The following GLRX2 variants were observed in gnomAD, a reference collection of about 807,000 sequenced individuals.
GLRX2 encodes the protein bA101E13.1 (GRX2 glutaredoxin (thioltransferase) 2).
Under a neutral mutation model 16.4 loss-of-function variants are expected in GLRX2, and 12 were observed. The ratio of observed to expected loss-of-function variants is 0.73; its 90% CI spans 0.47 to 1.19. GLRX2 has a LOEUF of 1.19. GLRX2 is among the 50% of genes most tolerant of loss of function. The probability of loss-of-function intolerance (pLI) is 0.00; values close to 1 mark genes in which losing one functional copy is unlikely to be tolerated. For missense variants in GLRX2, 201 were observed against 201.8 expected, an observed-to-expected ratio of 1.00 and a Z score of 0.02; for synonymous variants, 95 against 76.2, an observed-to-expected ratio of 1.25 and a Z score of -1.28.
Position 193,096,653 on chromosome 1 carries a change from T to C in GLRX2, c.467A>G (p.Lys156Arg). The C allele has an allele frequency of 6.3e-7, 1 of 1,595,576 alleles. No homozygotes were observed. The highest frequency in any genetic ancestry group is 1.7e-5 in the Admixed American group (1 of 59,438). ...CTGAAATTCTTTCCTCTTACTTTTT[T>C]TTAAATAACACTGATGAACTAGTGG... ...LLPLVHQCYL[K>R]KSKRKEFQ Residue 156 changes from lysine to arginine, a missense_variant, in exon 4 of 4, where the codon AAA (lysine) becomes AGA (arginine). Transcript: ENST00000367439.
intron 2 of GLRX2, among the ~76,000 whole-genome samples, chr1:193,098,167 G>T (rs920523097): frequency 2.6e-5 from 4 of 152,148 alleles, no homozygotes; most frequent in Admixed American, 2.6e-4. Context: ...TTTGTTCATG[G>T]TTCTCAGCTA....
chr1:193,101,792 C>T (rs962924001), intron 1 of GLRX2, among the ~76,000 whole-genome samples: 7 of 152,140 alleles, frequency 4.6e-5, no homozygotes, highest in Non-Finnish European at 1.0e-4. Context: ...TAATGTTTAA[C>T]ATTACTACTA....
At position 193,097,692 on chromosome 1, in the gene GLRX2, T is replaced by C; in HGVS notation, c.252A>G (p.Lys84=). 2 of 1,613,280 alleles carry C rather than the reference T, an allele frequency of 1.2e-6. No individual in the cohort carries two copies. The highest frequency in any genetic ancestry group is 1.7e-6 in the Non-Finnish European group (2 of 1,179,494). Residue 84 remains lysine (K), a synonymous_variant, in exon 3 of 4, where the codon AAA becomes AAG. Coordinates refer to ENST00000367439, the MANE Select transcript of GLRX2 (RefSeq NM_197962.3). ...TAACATTCATGTCATGGAAAAGCTT[T>C]TTTGCCATTGTACAGTAAGAACAGG... ...KTSCSYCTMA[K]KLFHDMNVNY... is the part of the protein sequence containing the mutation.
Position 193,097,775 on chromosome 1 carries a change from C to CA in GLRX2, c.184-16dup, listed in dbSNP as rs1558266123. 1.6e-5 allele frequency: 24 copies of CA among 1,535,834 alleles called. No individual in the cohort carries two copies. Among genetic ancestry groups the CA allele is most frequent in the African/African-American group, 9.7e-5 (7 of 71,990 alleles). On this transcript the variant is annotated splice_polypyrimidine_tract_variant and intron_variant, in intron 2 of 3. Coordinates refer to ENST00000367439, the MANE Select transcript of GLRX2 (RefSeq NM_197962.3). ...GAAATTGTTTCCTGAAATAAAACCA[C>CA]AAAAAATCATTTTAATTCTAGACAT...
rs1232981905 is a variant in GLRX2, at chr1:193,105,300, G to C, written c.83C>G (p.Ala28Gly). ...SGSAGWLDRA[A>G]GAAGAAAAAA... Reference sequence around the variant, plus strand: ...AGCTGCCGCAGCTCCCGCAGCTCCCGCCGCCCTGTCAAGCCAGCCTGCCGA... The same window carrying C: ...AGCTGCCGCAGCTCCCGCAGCTCCCCCCGCCCTGTCAAGCCAGCCTGCCGA... Residue 28 changes from alanine (A) to glycine (G), a missense_variant, in exon 1 of 4, where the codon GCG (alanine) becomes GGG (glycine). Physicochemically the swap from Ala to Gly is moderately conservative, Grantham distance 60. Coordinates refer to ENST00000367439, the MANE Select transcript of GLRX2 (RefSeq NM_197962.3). 19 of 1,530,950 alleles carry C rather than the reference G, an allele frequency of 1.2e-5. No homozygotes were observed. The highest frequency in any genetic ancestry group is 1.7e-5 in the Non-Finnish European group (19 of 1,148,058). The allele number at this position is 1,530,950 out of a possible 1,614,324, so 94.8% of individuals were successfully genotyped here. A position where few individuals can be genotyped will look rare whatever the true frequency, so the allele number is the denominator to read the frequency against.
In GLRX2 at chr1:193,101,305, A is replaced by G. The variant is rs1031766234; in HGVS notation, c.120-101T>C. The G allele has an allele frequency of 6.5e-6, 5 of 766,222 alleles. No individual in the cohort carries two copies. The South Asian group carries it at 8.1e-5, about 12-fold the overall frequency. 47.5% of individuals were successfully genotyped at this position (766,222 alleles called of 1,614,324 possible). A position where few individuals can be genotyped will look rare whatever the true frequency, so the allele number is the denominator to read the frequency against. On this transcript the variant is annotated intron_variant, in intron 1 of 3. Transcript: ENST00000367439. ...ATCAATCTCATAAACAAATATAGCCAAACTTACAAAATAGAAAAAAATTTT... is the reference window on the plus strand; with the variant it reads ...ATCAATCTCATAAACAAATATAGCCGAACTTACAAAATAGAAAAAAATTTT...
At position 193,097,571 on chromosome 1, in the gene GLRX2, A is replaced by AG; in HGVS notation, c.360+12dup. 6.3e-7 allele frequency: 1 copy of AG among 1,588,818 alleles called. No homozygotes were observed. The highest frequency in any genetic ancestry group is 1.2e-5 in the South Asian group (1 of 86,714). On this transcript the variant is annotated intron_variant, in intron 3 of 3. Transcript: ENST00000367439. ...CTATTAAAGAGGAACAGCACCACAG[A>AG]GGATATACTCACAGTTCTTTCACCA...
intron 1 of GLRX2, among the ~76,000 whole-genome samples, chr1:193,103,183 A>G (rs956471528): frequency 6.6e-6 from 1 of 152,190 alleles, no homozygotes; most frequent in Non-Finnish European, 1.5e-5. Context: ...TAGGAAAAAA[A>G]AAATCACACG....
chr1:193,098,700 T>C (rs749720969), intron 2 of GLRX2, among the ~76,000 whole-genome samples: 32 of 152,104 alleles, frequency 2.1e-4, no homozygotes, highest in Admixed American at 7.8e-4. Context: ...TATAGGCACC[T>C]GCCACCACGG....
chr1:193,097,066 T>C (rs1444135008), intron 3 of GLRX2, among the ~76,000 whole-genome samples: 1 of 152,210 alleles, frequency 6.6e-6, no homozygotes, highest in Non-Finnish European at 1.5e-5. Flanking sequence ...TTAAATAAAC[T>C]AAAGCAGATA....
At chr1:193,105,032 G>T (rs971931127) in intron 1 of GLRX2, among the ~76,000 whole-genome samples, 2 of 152,200 alleles carry the variant, frequency 1.3e-5, no homozygotes, top group African/African-American at 4.8e-5. Flanking sequence ...GAACATGAGT[G>T]AAGTATTTTC....
chr1:193,097,909 G>A, intron 2 of GLRX2, 149 bp from the exon 3 acceptor site: 1 of 516,604 alleles, frequency 1.9e-6, no homozygotes, highest in Non-Finnish European at 3.3e-6. Context: ...TGCAGATTGA[G>A]GATATTTTTC....
intron 2 of GLRX2, among the ~76,000 whole-genome samples, chr1:193,099,584 G>A (rs577761756): frequency 6.6e-6 from 1 of 152,132 alleles, no homozygotes; most frequent in Admixed American, 6.5e-5. Context: ...TACCTGCCTC[G>A]GCCTTCCAAA....
intron 2 of GLRX2, among the ~76,000 whole-genome samples, chr1:193,098,151 C>A (rs546490256): frequency 3.2e-4 from 48 of 152,156 alleles, no homozygotes; most frequent in Non-Finnish European, 5.9e-4. Flanking sequence ...AGAGGAAGAT[C>A]AACAATTTGT....
chr1:193,102,120 G>A (rs1198213710), intron 1 of GLRX2, among the ~76,000 whole-genome samples: 7 of 152,066 alleles, frequency 4.6e-5, no homozygotes, highest in Admixed American at 3.3e-4. Flanking sequence ...AGAATTACTC[G>A]AATATCTAAA....
rs767350322 is a variant in GLRX2, at chr1:193,105,337, T to C, written c.46A>G (p.Ser16Gly). 2 of 1,547,444 alleles carry C rather than the reference T, an allele frequency of 1.3e-6. No homozygotes were observed. Among genetic ancestry groups the C allele is most frequent in the Non-Finnish European group, 1.7e-6 (2 of 1,156,968 alleles). ...AALAGTRLVW[S>G]RSGSAGWLDR... Reference sequence around the variant, plus strand: ...AGCCAGCCTGCCGAGCCGCTCCTGCTCCAAACCAGCCGCGTCCCCGCCAGC... The same window carrying C: ...AGCCAGCCTGCCGAGCCGCTCCTGCCCCAAACCAGCCGCGTCCCCGCCAGC... The change falls in exon 1 of 4, where the codon AGC (serine) becomes GGC (glycine). Residue 16 changes from serine to glycine, a missense_variant. Coordinates refer to ENST00000367439, the MANE Select transcript of GLRX2 (RefSeq NM_197962.3).
Position 193,097,719 on chromosome 1 carries a change from T to G in GLRX2, c.225A>C (p.Thr75=), listed in dbSNP as rs758854393. ...SDNCVVIFSK[T]SCSYCTMAKK... Reference sequence around the variant, plus strand: ...TTGCCATTGTACAGTAAGAACAGGATGTTTTTGAGAAAATCACCACACAAT... The same window carrying G: ...TTGCCATTGTACAGTAAGAACAGGAGGTTTTTGAGAAAATCACCACACAAT... The change falls in exon 3 of 4, where the codon ACA becomes ACC. Residue 75 remains threonine (T), a synonymous_variant. Transcript: ENST00000367439. The G allele has an allele frequency of 1.6e-5, 26 of 1,598,704 alleles. No homozygotes were observed. In the South Asian group the frequency reaches 2.6e-4, roughly 16 times the overall value.
At chr1:193,101,045 T>TC (rs1675064292) in intron 2 of GLRX2, 96 bp downstream of exon 2, 1 of 794,346 alleles carries the variant, frequency 1.3e-6, no homozygotes, top group Non-Finnish European at 2.3e-6. Flanking sequence ...TGCTAAACTA[T>TC]CTCAAGTTTG....
At chr1:193,102,394 G>A (rs1193425834) in intron 1 of GLRX2, among the ~76,000 whole-genome samples, 4 of 152,022 alleles carry the variant, frequency 2.6e-5, no homozygotes, top group Non-Finnish European at 4.4e-5. Context: ...CTCTGTCACC[G>A]AGCCTGGAGT....
Sources: gnomAD v4.1 joint callset for allele counts (sites outside exome capture counted in the v4.1 genomes callset) on GRCh38, gnomAD v4.1.1 for gene constraint, MANE v1.5 for transcripts, NCBI Gene and HGNC (gene_info 2026-07-23, HGNC 2026-07-21) for gene names.